Variants in ZNF789 observed in about 807,000 individuals in gnomAD.
ZNF789 encodes zinc finger protein 789.
In ZNF789, 11 loss-of-function variants were observed where a neutral mutation model predicts 15.6. That is an observed-to-expected ratio of 0.70 (90% CI 0.44 to 1.16). ZNF789 has a LOEUF of 1.16. ZNF789 is among the 50% of genes most tolerant of loss of function. ZNF789 has a pLI of 0.00. For missense variants in ZNF789, 461 were observed against 512.6 expected, an observed-to-expected ratio of 0.90 and a Z score of 0.97; for synonymous variants, 159 against 176.0, an observed-to-expected ratio of 0.90 and a Z score of 0.76.
intron 2 of ZNF789, among the ~76,000 whole-genome samples, chr7:99,476,936 A>C (rs1288064815): frequency 6.6e-6 from 1 of 152,246 alleles, no homozygotes; most frequent in African/African-American, 2.4e-5. Context: ...ATAGTTGTGT[A>C]AGGAACTTCT....
intron 3 of ZNF789, chr7:99,480,028 C>G (rs916008420): frequency 1.5e-5 from 7 of 478,614 alleles, no homozygotes; most frequent in Non-Finnish European, 2.5e-5. Flanking sequence ...TACCCAACTT[C>G]AGAAATAACA....
intron 2 of ZNF789, 83 bp downstream of exon 2, chr7:99,476,563 A>G (rs549446964): frequency 1.9e-4 from 296 of 1,557,864 alleles, no homozygotes; most frequent in Non-Finnish European, 2.3e-4. Flanking sequence ...CTCTTGATCA[A>G]TGTGGGGAGT....
At chr7:99,485,170 C>T (rs1278024707) in intron 4 of ZNF789, 5 of 1,534,666 alleles carry the variant, frequency 3.3e-6, no homozygotes, top group Non-Finnish European at 3.5e-6. Context: ...TATTTCCTGA[C>T]ATATCTGCAT....
intron 3 of ZNF789, chr7:99,483,727 T>G (rs762279347): frequency 9.0e-6 from 7 of 780,968 alleles, no homozygotes; most frequent in Admixed American, 6.8e-5. Context: ...ATTGTTCCCT[T>G]TTGATATTCA....
chr7:99,479,879 AG>A, intron 3 of ZNF789, 92 bp downstream of exon 3: 1 of 1,468,758 alleles, frequency 6.8e-7, no homozygotes. Flanking sequence ...AATCAGAAAA[AG>A]CGGTGAAAAC....
intron 2 of ZNF789, chr7:99,478,147 CT>C: frequency 2.0e-6 from 1 of 494,620 alleles, no homozygotes; most frequent in South Asian, 2.0e-5. Flanking sequence ...GGACCTGCTG[CT>C]GTACATACTT....
intron 1 of ZNF789, among the ~76,000 whole-genome samples, chr7:99,475,197 A>G (rs1486711198): frequency 6.6e-6 from 1 of 152,158 alleles, no homozygotes; most frequent in Non-Finnish European, 1.5e-5. Flanking sequence ...GTTCAAGACC[A>G]GCCTGACCAA....
chr7:99,487,105 A>G lies in ZNF789; in HGVS notation c.895A>G (p.Thr299Ala), dbSNP rs1158473666. ...TGAAAAAACGTTTAGTCAGAATTCAACCCTTATTCGACATCAGGTGATCCA... is the reference window on the plus strand; with the variant it reads ...TGAAAAAACGTTTAGTCAGAATTCAGCCCTTATTCGACATCAGGTGATCCA... The part of the protein sequence containing the change: ...KCEKTFSQNS[T>A]LIRHQVIHSG... Residue 299 changes from threonine to alanine, a missense_variant, in exon 5 of 5, where the codon ACC (threonine) becomes GCC (alanine). Thr to Ala is a moderately conservative substitution (Grantham distance 58, BLOSUM62 0). Coordinates refer to ENST00000331410, the MANE Select transcript of ZNF789 (RefSeq NM_213603.3). The G allele has an allele frequency of 6.2e-7, 1 of 1,614,176 alleles. No homozygotes were observed. Among genetic ancestry groups the G allele is most frequent in the South Asian group, 1.1e-5 (1 of 91,078 alleles).
chr7:99,478,874 C>G (rs1475007674), intron 2 of ZNF789: 1 of 155,292 alleles, frequency 6.4e-6, no homozygotes, highest in African/African-American at 2.4e-5. Context: ...GGTTGGAGGA[C>G]AGGGGACAGG....
chr7:99,473,281 T>A (rs924578956), intron 1 of ZNF789, among the ~76,000 whole-genome samples: 28 of 152,112 alleles, frequency 1.8e-4, no homozygotes, highest in African/African-American at 5.8e-4. Flanking sequence ...TTTGTTAGAG[T>A]GGGAGATGAG....
At chr7:99,474,482 T>C (rs958850040) in intron 1 of ZNF789, among the ~76,000 whole-genome samples, 2 of 151,742 alleles carry the variant, frequency 1.3e-5, no homozygotes, top group Non-Finnish European at 2.9e-5. Context: ...TAGTCCCAGC[T>C]ACTCGGGAAG....
intron 2 of ZNF789, chr7:99,479,370 TCAA>T (rs1799498324): frequency 3.5e-6 from 1 of 286,080 alleles, no homozygotes; most frequent in Non-Finnish European, 6.4e-6. Flanking sequence ...GTTCCTCTAA[TCAA>T]CAGCAGATTT....
rs867632748 is a variant in ZNF789, at chr7:99,487,082, A to G, written c.872A>G (p.Glu291Gly). The G allele has an allele frequency of 6.2e-7, 1 of 1,614,102 alleles. No individual in the cohort carries two copies. Among genetic ancestry groups the G allele is most frequent in the Non-Finnish European group, 8.5e-7 (1 of 1,179,982 alleles). ...KEKPYKCSKC[E>G]KTFSQNSTLI... ...AAACCTTATAAATGTAGCAAATGTG[A>G]AAAAACGTTTAGTCAGAATTCAACC... Residue 291 changes from glutamate (E) to glycine (G), a missense_variant, in exon 5 of 5, where the codon GAA becomes GGA. Coordinates refer to ENST00000331410, the MANE Select transcript of ZNF789 (RefSeq NM_213603.3).
At chr7:99,480,614 T>C (rs1799571714) in intron 3 of ZNF789, 1 of 152,248 alleles carries the variant, frequency 6.6e-6, no homozygotes, top group Non-Finnish European at 1.5e-5. Flanking sequence ...ATGGTAGATT[T>C]ACATTCCAAA....
chr7:99,473,427 A>C (rs1014333227), intron 1 of ZNF789, among the ~76,000 whole-genome samples: 2 of 152,210 alleles, frequency 1.3e-5, no homozygotes, highest in Non-Finnish European at 2.9e-5. Context: ...AATTGTTCCA[A>C]TGGCAGCTTG....
chr7:99,486,937 GCT>G lies in ZNF789; in HGVS notation c.730_731del (p.Leu244TyrfsTer4), dbSNP rs746257159. The G allele has an allele frequency of 6.2e-7, 1 of 1,614,170 alleles. No individual in the cohort carries two copies. Among genetic ancestry groups the G allele is most frequent in the Admixed American group, 1.7e-5 (1 of 60,006 alleles). On this transcript the variant is annotated frameshift_variant, in exon 5 of 5. Coordinates refer to ENST00000331410, the MANE Select transcript of ZNF789 (RefSeq NM_213603.3). LOFTEE classifies it low-confidence loss of function (END_TRUNC). ...TGGGCAAGCCTTCAGACAGCGGTCA[GCT>G]CTTACGGTCCATAAACAGTGTCACC... ...VCGQAFRQRS[A>X]LTVHKQCHLQ...
Position 99,487,300 on chromosome 7 carries a change from A to G in ZNF789, c.1090A>G (p.Thr364Ala). Residue 364 changes from threonine (T) to alanine (A), a missense_variant, in exon 5 of 5, where the codon ACA becomes GCA. By Grantham distance (58) the Thr-to-Ala change is moderately conservative (BLOSUM62 0). Transcript: ENST00000331410. ...VDLIQHQRIHTKEEFFQCGEC... is the reference protein window; with the variant it reads ...VDLIQHQRIHAKEEFFQCGEC... Reference sequence around the variant, plus strand: ...TCTCATTCAGCATCAAAGAATCCATACAAAGGAGGAATTCTTTCAATGTGG... The same window carrying G: ...TCTCATTCAGCATCAAAGAATCCATGCAAAGGAGGAATTCTTTCAATGTGG... 6.2e-7 allele frequency: 1 copy of G among 1,614,266 alleles called. No individual in the cohort carries two copies. The highest frequency in any genetic ancestry group is 8.5e-7 in the Non-Finnish European group (1 of 1,180,050).
At chr7:99,474,889 GC>G (rs573833560) in intron 1 of ZNF789, among the ~76,000 whole-genome samples, 29 of 151,996 alleles carry the variant, frequency 1.9e-4, no homozygotes, top group African/African-American at 6.8e-4. Context: ...GGAGACTGAG[GC>G]AGGAGCATTG....
At chr7:99,479,821 T>G in intron 3 of ZNF789, 34 bp downstream of exon 3, 1 of 1,600,548 alleles carries the variant, frequency 6.2e-7, no homozygotes, top group Non-Finnish European at 8.5e-7. Context: ...GCTTTGTCTG[T>G]GTTCTGAGTG....
Sources: gnomAD v4.1 joint callset for allele counts (sites outside exome capture counted in the v4.1 genomes callset) on GRCh38, gnomAD v4.1.1 for gene constraint, MANE v1.5 for transcripts, NCBI Gene and HGNC (gene_info 2026-07-23, HGNC 2026-07-21) for gene names.